Variants in PANK1 observed in about 807,000 individuals in gnomAD.
PANK1 encodes pantothenic acid kinase 1.
PANK1 carries 18 observed loss-of-function variants against 40.1 expected under a neutral mutation model. That is an observed-to-expected ratio of 0.45 (90% CI 0.31 to 0.67). The LOEUF (loss-of-function observed/expected upper bound fraction) is 0.67, where lower values mean the gene tolerates loss of function less well. Ranked by LOEUF, PANK1 falls within the 30% of genes least tolerant of loss-of-function variation. PANK1 has a pLI of 0.06. For missense variants in PANK1, 457 were observed against 599.6 expected (o/e 0.76, Z 2.48); for synonymous variants, 242 against 237.7 (o/e 1.02, Z -0.17).
intron 1 of PANK1, chr10:89,625,818 G>A (rs1251016017): frequency 6.6e-6 from 1 of 152,170 alleles, no homozygotes; most frequent in Non-Finnish European, 1.5e-5. Context: ...TTCTTAGCTT[G>A]GATCTGGGCC....
chr10:89,626,617 T>G (rs1589808041), intron 1 of PANK1: 1 of 152,212 alleles, frequency 6.6e-6, no homozygotes, highest in African/African-American at 2.4e-5. Flanking sequence ...GCCACTTTCT[T>G]CATCAGAAGT....
At chr10:89,643,686 A>C (rs761534977) in intron 1 of PANK1, 2 of 1,599,280 alleles carry the variant, frequency 1.3e-6, no homozygotes, top group Admixed American at 3.3e-5. Flanking sequence ...ATTAGCATTT[A>C]CTGTACTTAC....
intron 3 of PANK1, among the ~76,000 whole-genome samples, chr10:89,598,324 G>A (rs1396182730): frequency 6.6e-6 from 1 of 152,166 alleles, no homozygotes; most frequent in Non-Finnish European, 1.5e-5. Flanking sequence ...CTGTAGAAGC[G>A]ATCTAAGAAA....
chr10:89,633,417 T>C (rs1841709979), intron 1 of PANK1, among the ~76,000 whole-genome samples: 1 of 151,862 alleles, frequency 6.6e-6, no homozygotes. Flanking sequence ...GTAAAAACCT[T>C]CCACAAAAAA....
intron 6 of PANK1, among the ~76,000 whole-genome samples, chr10:89,588,309 T>A (rs1589755925): frequency 6.6e-6 from 1 of 152,308 alleles, no homozygotes; most frequent in Admixed American, 6.5e-5. Context: ...ACATACTGAT[T>A]TTAAATCTTT....
At chr10:89,614,305 C>T (rs1487312634) in intron 1 of PANK1, among the ~76,000 whole-genome samples, 12 of 152,106 alleles carry the variant, frequency 7.9e-5, no homozygotes, top group Admixed American at 7.9e-4. Flanking sequence ...CTCAGCAAAG[C>T]CCTTTCCTGG....
intron 1 of PANK1, among the ~76,000 whole-genome samples, chr10:89,644,316 G>A (rs1178024811): frequency 6.6e-6 from 1 of 152,188 alleles, no homozygotes; most frequent in Non-Finnish European, 1.5e-5. Context: ...CGGACAGAGC[G>A]TTCGCTTATT....
At chr10:89,588,402 A>G (rs11185771) in intron 6 of PANK1, among the ~76,000 whole-genome samples, 20,620 of 152,218 alleles carry the variant, frequency 0.14, 1,580 homozygotes, top group Middle Eastern at 0.2. Context: ...GCAGTTTTCT[A>G]TAATGACTGT....
chr10:89,619,058 A>G (rs1301240672), intron 1 of PANK1, among the ~76,000 whole-genome samples: 2 of 152,242 alleles, frequency 1.3e-5, no homozygotes, highest in African/African-American at 4.8e-5. Context: ...AGGAACTGTC[A>G]TGATCACAGA....
Position 89,586,935 on chromosome 10 carries a change from T to C in PANK1, c.1326+1717A>G, listed in dbSNP as rs904355178. On this transcript the variant is annotated intron_variant, in intron 6 of 6. Coordinates refer to ENST00000307534, the MANE Select transcript of PANK1 (RefSeq NM_148977.3). The stretch of plus-strand genomic sequence containing the variant: ...TGAGGTCAGGAGTTCGAGACCATCC[T>C]GGCCAACATGGTGAAACCCTCTACT... Among the ~76,000 whole-genome samples, 6 of 152,176 alleles carry C rather than the reference T, an allele frequency of 3.9e-5. No individual in the cohort carries two copies. The East Asian group carries it at 1.2e-3, about 29-fold the overall frequency.
At chr10:89,614,089 C>T (rs963982886) in intron 1 of PANK1, 2 of 452,412 alleles carry the variant, frequency 4.4e-6, no homozygotes, top group African/African-American at 2.0e-5. Flanking sequence ...GAGTCTTTTT[C>T]AGTGGAGTTT....
chr10:89,613,251 A>G (rs888775540), intron 1 of PANK1, among the ~76,000 whole-genome samples: 1 of 152,204 alleles, frequency 6.6e-6, no homozygotes, highest in South Asian at 2.1e-4. Context: ...AAAACCCAAA[A>G]CTGTAATATT....
In PANK1 at chr10:89,584,480, CA is replaced by C; in HGVS notation, c.1327-16del. 1.3e-6 allele frequency: 2 copies of C among 1,575,700 alleles called. No homozygotes were observed. The highest frequency in any genetic ancestry group is 1.7e-6 in the Non-Finnish European group (2 of 1,145,282). On this transcript the variant is annotated splice_polypyrimidine_tract_variant and intron_variant, in intron 6 of 6. Coordinates refer to ENST00000307534, the MANE Select transcript of PANK1 (RefSeq NM_148977.3). ...CCAAAATAACCCTACGAAAACAATACAAAACGATGATCTCTGAACCTTAGCC... is the reference window on the plus strand; with the variant it reads ...CCAAAATAACCCTACGAAAACAATACAAACGATGATCTCTGAACCTTAGCC...
In PANK1 at chr10:89,628,828, TCA is replaced by T. The variant is rs577848890; in HGVS notation, c.292+15770_292+15771del. On this transcript the variant is annotated intron_variant, in intron 1 of 6. Coordinates refer to ENST00000307534, the MANE Select transcript of PANK1 (RefSeq NM_148977.3). ...TGAAATTTGAGGTCTTCTTGATGAT[TCA>T]CAGTCAAATGACAATCAATTATTGT... Among the ~76,000 whole-genome samples, 178 of 152,334 alleles carry T rather than the reference TCA, an allele frequency of 1.2e-3. 1 individual carries two copies. The highest frequency in any genetic ancestry group is 4.1e-3 in the African/African-American group (170 of 41,584).
chr10:89,634,446 T>C lies in PANK1; in HGVS notation c.292+10154A>G, dbSNP rs538344136. Reference sequence around the variant, plus strand: ...AAGGCCAAGAGTACTAGAATGTACATGTGCTGGTGCTGAAGGCAAGCACCT... The same window carrying C: ...AAGGCCAAGAGTACTAGAATGTACACGTGCTGGTGCTGAAGGCAAGCACCT... On this transcript the variant is annotated intron_variant, in intron 1 of 6. Transcript: ENST00000307534. Among the ~76,000 whole-genome samples the C allele has an allele frequency of 5.5e-4, 84 of 152,350 alleles. 1 individual carries two copies. Among genetic ancestry groups the C allele is most frequent in the Admixed American group, 2.5e-3 (38 of 15,302 alleles).
At chr10:89,592,259 A>G (rs1289796511) in intron 5 of PANK1, among the ~76,000 whole-genome samples, 1 of 152,124 alleles carries the variant, frequency 6.6e-6, no homozygotes, top group Non-Finnish European at 1.5e-5. Context: ...TCAACCCAGA[A>G]CTCAAAGGCA....
At chr10:89,631,976 G>GTGTGTT (rs199540491) in intron 1 of PANK1, among the ~76,000 whole-genome samples, 18 of 143,340 alleles carry the variant, frequency 1.3e-4, no homozygotes, top group Non-Finnish European at 1.7e-4. Context: ...GTGTGTGTGT[G>GTGTGTT]TTTTTTTTTT....
chr10:89,601,105 AG>A (rs1844768541), intron 2 of PANK1, among the ~76,000 whole-genome samples: 1 of 151,954 alleles, frequency 6.6e-6, no homozygotes, highest in Admixed American at 6.6e-5. Flanking sequence ...CTGCTTCTGG[AG>A]TCTGGAAACA....
chr10:89,626,894 C>T lies in PANK1; in HGVS notation c.293-14846G>A, dbSNP rs149300685. On this transcript the variant is annotated intron_variant, in intron 1 of 6. Transcript: ENST00000307534. ...TGTCTTGACAAGTCACCAGAGCGTGCTTGCATACTCTAAGGATACTGTTAT... is the reference window on the plus strand; with the variant it reads ...TGTCTTGACAAGTCACCAGAGCGTGTTTGCATACTCTAAGGATACTGTTAT... 1.9e-3 allele frequency among the ~76,000 whole-genome samples: 296 copies of T among 152,180 alleles called. 1 individual carries two copies. The highest frequency in any genetic ancestry group is 6.8e-3 in the African/African-American group (282 of 41,540).
Sources: gnomAD v4.1 joint callset for allele counts (sites outside exome capture counted in the v4.1 genomes callset) on GRCh38, gnomAD v4.1.1 for gene constraint, MANE v1.5 for transcripts, NCBI Gene and HGNC (gene_info 2026-07-23, HGNC 2026-07-21) for gene names.